The following HYAL2 variants were observed in gnomAD, a reference collection of about 807,000 sequenced individuals.
HYAL2 encodes the protein hyaluronidase 2, also known as hyaluronidase-2.
In HYAL2, 30 loss-of-function variants were observed where a neutral mutation model predicts 35.4. That is an observed-to-expected ratio of 0.85 (90% CI 0.63 to 1.15). The LOEUF is 1.15. Among genes scored for constraint, HYAL2 ranks in the 50% most tolerant of loss-of-function variants. The pLI is 0.00. For synonymous variants in HYAL2, 262 were observed against 252.8 expected, an observed-to-expected ratio of 1.04 and a Z score of -0.34; for missense variants, 635 against 646.5, an observed-to-expected ratio of 0.98 and a Z score of 0.19.
At position 50,319,952 on chromosome 3, in the gene HYAL2, C is replaced by T; in HGVS notation, c.538G>A (p.Glu180Lys). ...AGCATGAACTGCTGTGCTGCGAACT[C>T]AAACTCATATTGTGCCTGTTTGACT... ...RIVKQAQYEF[E>K]FAAQQFMLET... Residue 180 changes from glutamate (E) to lysine (K), a missense_variant, in exon 2 of 4, where the codon GAG becomes AAG. Physicochemically the swap from Glu to Lys is moderately conservative, Grantham distance 56 (BLOSUM62 1). Transcript: ENST00000357750. 6.2e-7 allele frequency: 1 copy of T among 1,613,648 alleles called. No individual in the cohort carries two copies. Among genetic ancestry groups the T allele is most frequent in the Admixed American group, 1.7e-5 (1 of 60,034 alleles).
Position 50,318,504 on chromosome 3 carries a change from C to A in HYAL2, c.1047G>T (p.Arg349=). ...CATTGACCACGTAGGGGACCAGCAG[C>A]CGTGTCAGGTAATCTTTGAGGTACT... is the stretch of plus-strand genomic sequence containing the variant. ...TCQYLKDYLT[R]LLVPYVVNVS... Residue 349 remains arginine (R), a synonymous_variant, in exon 4 of 4, where the codon CGG becomes CGT. Coordinates refer to ENST00000357750, the MANE Select transcript of HYAL2 (RefSeq NM_003773.5). This position sits in a 1 kb window ranked among gnomAD's most constrained non-coding sequence, Gnocchi z 4.5. 9 of 1,609,710 alleles carry A rather than the reference C, an allele frequency of 5.6e-6. 1 individual carries two copies. The Middle Eastern group carries it at 5.0e-4, about 89-fold the overall frequency.
At position 50,320,766 on chromosome 3, in the gene HYAL2, C is replaced by G. The variant is rs1328798515; in HGVS notation, c.-46-231G>C. On this transcript the variant is annotated intron_variant, in intron 1 of 3. Coordinates refer to ENST00000357750, the MANE Select transcript of HYAL2 (RefSeq NM_003773.5). The surrounding 1 kb of genome is among the most constrained non-coding windows in gnomAD (Gnocchi z 4.8). ...GTAGCCTGTGGCTCGGCACAAATCTCTATTAGGTCTGTGACCCTTCTAAGA... is the reference window on the plus strand; with the variant it reads ...GTAGCCTGTGGCTCGGCACAAATCTGTATTAGGTCTGTGACCCTTCTAAGA... 5 of 468,816 alleles carry G rather than the reference C, an allele frequency of 1.1e-5. No homozygotes were observed. The highest frequency in any genetic ancestry group is 3.8e-6 in the Non-Finnish European group (1 of 264,798). The allele number at this position is 468,816 out of a possible 1,614,324, so 29.0% of individuals were successfully genotyped here.
intron 2 of HYAL2, 141 bp downstream of exon 2, chr3:50,319,428 C>T: frequency 1.4e-6 from 1 of 733,534 alleles, no homozygotes; most frequent in Non-Finnish European, 2.2e-6. Context: ...GTCACCCTTT[C>T]AGGTTATAGA....
In HYAL2 at chr3:50,318,692, C is replaced by G. The variant is rs782057655; in HGVS notation, c.1012-153G>C. 7 of 814,980 alleles carry G rather than the reference C, an allele frequency of 8.6e-6. No homozygotes were observed. The highest frequency in any genetic ancestry group is 8.4e-5 in the Admixed American group (3 of 35,634). The allele number at this position is 814,980 out of a possible 1,614,324, so 50.5% of individuals were successfully genotyped here. The stretch of plus-strand genomic sequence containing the variant: ...GCACCTGAGCCACACAGTCCCTGCT[C>G]CTGCTGAGAAGTGGGTGGGGGTACA... On this transcript the variant is annotated intron_variant, in intron 3 of 3. Transcript: ENST00000357750. The surrounding 1 kb of genome is among the most constrained non-coding windows in gnomAD (Gnocchi z 4.5).
chr3:50,319,457 T>C, intron 2 of HYAL2, 112 bp downstream of exon 2: 1 of 879,154 alleles, frequency 1.1e-6, no homozygotes, highest in Non-Finnish European at 1.7e-6. Context: ...TTTGAGGGGA[T>C]GTGGAGCAGC....
In HYAL2 at chr3:50,319,900, A is replaced by G. The variant is rs782301565; in HGVS notation, c.590T>C (p.Val197Ala). 4 of 1,613,748 alleles carry G rather than the reference A, an allele frequency of 2.5e-6. No homozygotes were observed. The South Asian group carries it at 3.3e-5, about 13-fold the overall frequency. ...GAAGCCCCAGAGGTGCCGGGGCCGCACTGCCTTGACATAACGCAGTGTCTC... is the reference window on the plus strand; with the variant it reads ...GAAGCCCCAGAGGTGCCGGGGCCGCGCTGCCTTGACATAACGCAGTGTCTC... ...MLETLRYVKA[V>A]RPRHLWGFYL... is the part of the protein sequence containing the mutation. Residue 197 changes from valine to alanine, a missense_variant, in exon 2 of 4, where the codon GTG becomes GCG. Physicochemically the swap from Val to Ala is moderately conservative, Grantham distance 64. Transcript: ENST00000357750.
chr3:50,319,262 C>T (rs147838410), intron 2 of HYAL2, among the ~76,000 whole-genome samples: 325 of 152,302 alleles, frequency 2.1e-3, no homozygotes, highest in Middle Eastern at 3.4e-3. Flanking sequence ...GCCAAGGGCA[C>T]ACTTGAGCCT....
At chr3:50,319,088 C>A in intron 2 of HYAL2, 43 bp from the exon 3 acceptor site, 1 of 1,413,876 alleles carries the variant, frequency 7.1e-7, no homozygotes, top group Non-Finnish European at 9.8e-7. Context: ...ACTGAGACCA[C>A]AGGGTGACAG....
Position 50,320,773 on chromosome 3 carries a change from G to A in HYAL2, c.-46-238C>T, listed in dbSNP as rs150106911. On this transcript the variant is annotated intron_variant, in intron 1 of 3. Coordinates refer to ENST00000357750, the MANE Select transcript of HYAL2 (RefSeq NM_003773.5). The surrounding 1 kb of genome is among the most constrained non-coding windows in gnomAD (Gnocchi z 4.8). The stretch of plus-strand genomic sequence containing the variant: ...GTGGCTCGGCACAAATCTCTATTAG[G>A]TCTGTGACCCTTCTAAGAACTAGAT... 4 of 442,518 alleles carry A rather than the reference G, an allele frequency of 9.0e-6. No individual in the cohort carries two copies. The highest frequency in any genetic ancestry group is 9.1e-5 in the South Asian group (2 of 21,910). 27.4% of individuals were successfully genotyped at this position (442,518 alleles called of 1,614,324 possible).
Position 50,320,786 on chromosome 3 carries a change from C to T in HYAL2, c.-46-251G>A, listed in dbSNP as rs1702672448. On this transcript the variant is annotated intron_variant, in intron 1 of 3. Coordinates refer to ENST00000357750, the MANE Select transcript of HYAL2 (RefSeq NM_003773.5). The surrounding 1 kb of genome is among the most constrained non-coding windows in gnomAD (Gnocchi z 4.8). Reference sequence around the variant, plus strand: ...AATCTCTATTAGGTCTGTGACCCTTCTAAGAACTAGATAATTTGGGCTCAC... The same window carrying T: ...AATCTCTATTAGGTCTGTGACCCTTTTAAGAACTAGATAATTTGGGCTCAC... 4 of 401,496 alleles carry T rather than the reference C, an allele frequency of 1.0e-5. No homozygotes were observed. In the South Asian group the frequency reaches 2.3e-4, roughly 23 times the overall value. The allele number at this position is 401,496 out of a possible 1,614,324, so 24.9% of individuals were successfully genotyped here.
At position 50,320,469 on chromosome 3, in the gene HYAL2, G is replaced by A. The variant is rs782765717; in HGVS notation, c.21C>T (p.Pro7=). The A allele has an allele frequency of 7.0e-6, 11 of 1,562,532 alleles. No homozygotes were observed. The East Asian group carries it at 1.8e-4, about 26-fold the overall frequency. The change falls in exon 2 of 4, where the codon CCC becomes CCT. Residue 7 remains proline (P), a synonymous_variant. Transcript: ENST00000357750. The surrounding 1 kb of genome is among the most constrained non-coding windows in gnomAD (Gnocchi z 4.8). ...CCAGCACCAGGGCCAATGTAACGGT[G>A]GGGCCTGGGCCTGCCCGCATGCTGG... is the stretch of plus-strand genomic sequence containing the variant. MRAGPG[P]TVTLALVLAV... is the part of the protein sequence containing the mutation.
rs868959845 is a variant in HYAL2, at chr3:50,317,961, C to G, written c.*168G>C. 6.0e-6 allele frequency: 4 copies of G among 665,016 alleles called. No individual in the cohort carries two copies. In the African/African-American group the frequency reaches 7.4e-5, roughly 12 times the overall value. 41.2% of individuals were successfully genotyped at this position (665,016 alleles called of 1,614,324 possible). A position where few individuals can be genotyped will look rare whatever the true frequency, so the allele number is the denominator to read the frequency against. On this transcript the variant is annotated 3_prime_UTR_variant, in exon 4 of 4. Transcript: ENST00000357750. ...GAGAAGGGGCCTCCCAGGGACTTCC[C>G]CTCCCCCTTAGAACAGGGGGGTGCG...
At position 50,320,970 on chromosome 3, in the gene HYAL2, A is replaced by T. The variant is rs1454235321; in HGVS notation, c.-46-435T>A. On this transcript the variant is annotated intron_variant, in intron 1 of 3. Coordinates refer to ENST00000357750, the MANE Select transcript of HYAL2 (RefSeq NM_003773.5). This position sits in a 1 kb window ranked among gnomAD's most constrained non-coding sequence, Gnocchi z 4.8. ...GCTCGTCAAGAGGCTACGAAACTGG[A>T]AGGAACGCTGCCGGGAGGCTTCTAT... is the stretch of plus-strand genomic sequence containing the variant. 2 of 154,664 alleles carry T rather than the reference A, an allele frequency of 1.3e-5. No individual in the cohort carries two copies. Among genetic ancestry groups the T allele is most frequent in the Non-Finnish European group, 2.9e-5 (2 of 69,906 alleles). The allele number at this position is 154,664 out of a possible 1,614,324, so 9.6% of individuals were successfully genotyped here.
At chr3:50,319,540 A>G in intron 2 of HYAL2, 29 bp downstream of exon 2, 1 of 1,574,112 alleles carries the variant, frequency 6.4e-7, no homozygotes, top group African/African-American at 1.4e-5. Context: ...AAGGAAGGAG[A>G]AAAAAGGCAG....
chr3:50,318,397 G>A lies in HYAL2; in HGVS notation c.1154C>T (p.Thr385Ile), dbSNP rs2109322648. Residue 385 changes from threonine (T) to isoleucine (I), a missense_variant, in exon 4 of 4, where the codon ACC becomes ATC. By Grantham distance (89) the Thr-to-Ile change is moderately conservative (BLOSUM62 -1). Coordinates refer to ENST00000357750, the MANE Select transcript of HYAL2 (RefSeq NM_003773.5). This position sits in a 1 kb window ranked among gnomAD's most constrained non-coding sequence, Gnocchi z 4.5. ...RCVRRNPSASTFLHLSTNSFR... is the reference protein window; with the variant it reads ...RCVRRNPSASIFLHLSTNSFR... Reference sequence around the variant, plus strand: ...ACTGTTGGTGCTGAGATGCAGGAAGGTACTGGCACTGGGGTTGCGGCGCAC... The same window carrying A: ...ACTGTTGGTGCTGAGATGCAGGAAGATACTGGCACTGGGGTTGCGGCGCAC... 6.2e-7 allele frequency: 1 copy of A among 1,613,342 alleles called. No homozygotes were observed. The highest frequency in any genetic ancestry group is 8.5e-7 in the Non-Finnish European group (1 of 1,180,040).
chr3:50,319,906 T>C lies in HYAL2; in HGVS notation c.584A>G (p.Lys195Arg), dbSNP rs782655715. 3.1e-6 allele frequency: 5 copies of C among 1,613,740 alleles called. No individual in the cohort carries two copies. Among genetic ancestry groups the C allele is most frequent in the African/African-American group, 1.3e-5 (1 of 75,060 alleles). ...CCAGAGGTGCCGGGGCCGCACTGCC[T>C]TGACATAACGCAGTGTCTCCAGCAT... ...QFMLETLRYV[K>R]AVRPRHLWGF... Residue 195 changes from lysine (K) to arginine (R), a missense_variant, in exon 2 of 4, where the codon AAG becomes AGG. By Grantham distance (26) the Lys-to-Arg change is conservative (BLOSUM62 2). Transcript: ENST00000357750.
rs1702676983 is a variant in HYAL2 at position 50,320,956 on chromosome 3, G to A, written c.-46-421C>T. The A allele has an allele frequency of 6.4e-6, 1 of 156,126 alleles. No individual in the cohort carries two copies. Among genetic ancestry groups the A allele is most frequent in the African/African-American group, 2.4e-5 (1 of 41,572 alleles). 9.7% of individuals were successfully genotyped at this position (156,126 alleles called of 1,614,324 possible). The stretch of plus-strand genomic sequence containing the variant: ...TAAAGCAGGGAACAGCTCGTCAAGA[G>A]GCTACGAAACTGGAAGGAACGCTGC... On this transcript the variant is annotated intron_variant, in intron 1 of 3. Coordinates refer to ENST00000357750, the MANE Select transcript of HYAL2 (RefSeq NM_003773.5). The surrounding 1 kb of genome is among the most constrained non-coding windows in gnomAD (Gnocchi z 4.8).
Position 50,319,711 on chromosome 3 carries a change from G to A in HYAL2, c.779C>T (p.Ser260Phe), listed in dbSNP as rs1231178599. 1 of 1,613,766 alleles carries A rather than the reference G, an allele frequency of 6.2e-7. No individual in the cohort carries two copies. The highest frequency in any genetic ancestry group is 8.5e-7 in the Non-Finnish European group (1 of 1,180,056). Residue 260 changes from serine (S) to phenylalanine (F), a missense_variant, in exon 2 of 4, where the codon TCC (serine) becomes TTC (phenylalanine). Ser to Phe is a radical substitution (Grantham distance 155). Coordinates refer to ENST00000357750, the MANE Select transcript of HYAL2 (RefSeq NM_003773.5). The part of the protein sequence containing the change: ...PSVYLDETLA[S>F]SRHGRNFVSF... ...CACAAAGTTGCGGCCATGGCGGGAG[G>A]AAGCAAGTGTCTCGTCCAGGTAGAC...
At position 50,320,538 on chromosome 3, in the gene HYAL2, G is replaced by C. The variant is rs1295545318; in HGVS notation, c.-46-3C>G. The C allele has an allele frequency of 6.9e-7, 1 of 1,456,848 alleles. No individual in the cohort carries two copies. The highest frequency in any genetic ancestry group is 9.1e-7 in the Non-Finnish European group (1 of 1,102,164). The allele number at this position is 1,456,848 out of a possible 1,614,324, so 90.2% of individuals were successfully genotyped here. ...CCTGCCTGGCACCAGCTCAGGAACT[G>C]GAAGAAGGGTTGGGGAGAACAAGTC... is the stretch of plus-strand genomic sequence containing the variant. On this transcript the variant is annotated splice_region_variant and splice_polypyrimidine_tract_variant and intron_variant, in intron 1 of 3. Coordinates refer to ENST00000357750, the MANE Select transcript of HYAL2 (RefSeq NM_003773.5). This position sits in a 1 kb window ranked among gnomAD's most constrained non-coding sequence, Gnocchi z 4.8.
Sources: gnomAD v4.1 joint callset for allele counts (sites outside exome capture counted in the v4.1 genomes callset) on GRCh38, gnomAD v4.1.1 for gene constraint, Gnocchi (gnomAD v3.1) non-coding constraint, MANE v1.5 for transcripts, NCBI Gene and HGNC (gene_info 2026-07-23, HGNC 2026-07-21) for gene names.